NCKAP5: variants seen among roughly 807,000 people sequenced by gnomAD.
NCKAP5 encodes the protein NCK associated protein 5.
NCKAP5 carries 92 observed loss-of-function variants against 167.0 expected under a neutral mutation model. That is an observed-to-expected ratio of 0.55 (90% CI 0.47 to 0.66). NCKAP5 has a LOEUF of 0.66. Among genes scored for constraint, NCKAP5 ranks in the 30% least tolerant of loss-of-function variants. NCKAP5 has a pLI of 0.00. For missense variants in NCKAP5, 2,378 were observed against 2,315.0 expected (o/e 1.03, Z -0.56); for synonymous variants, 891 against 877.4 (o/e 1.02, Z -0.27).
At chr2:133,279,684 T>C (rs983785439) in intron 4 of NCKAP5, among the ~76,000 whole-genome samples, 1 of 152,236 alleles carries the variant, frequency 6.6e-6, no homozygotes, top group Non-Finnish European at 1.5e-5. Flanking sequence ...TCTACTGGAC[T>C]TTCTATACTT....
intron 5 of NCKAP5, among the ~76,000 whole-genome samples, chr2:133,206,754 G>A (rs1041078674): frequency 1.3e-5 from 2 of 152,222 alleles, no homozygotes; most frequent in Non-Finnish European, 2.9e-5. Context: ...GCCTATAAAC[G>A]GATGTGCAAG....
At chr2:132,831,014 A>G (rs1687485347) in intron 11 of NCKAP5, among the ~76,000 whole-genome samples, 3 of 152,144 alleles carry the variant, frequency 2.0e-5, no homozygotes, top group African/African-American at 7.2e-5. Context: ...TTGCTAACAC[A>G]TATTTAGGTT....
chr2:133,006,550 A>G (rs1176551263), intron 6 of NCKAP5, among the ~76,000 whole-genome samples: 2 of 151,928 alleles, frequency 1.3e-5, no homozygotes, highest in Non-Finnish European at 2.9e-5. Flanking sequence ...ACTAAACTTG[A>G]TTCTCACTGG....
chr2:133,532,222 G>T (rs1486674357), intron 2 of NCKAP5, among the ~76,000 whole-genome samples: 1 of 152,094 alleles, frequency 6.6e-6, no homozygotes, highest in Non-Finnish European at 1.5e-5. Context: ...GACTTAAAAC[G>T]GTTTACCCCA....
chr2:133,298,697 T>C (rs1680137238), intron 4 of NCKAP5, among the ~76,000 whole-genome samples: 1 of 152,204 alleles, frequency 6.6e-6, no homozygotes, highest in Admixed American at 6.5e-5. Context: ...TTTGTAAATT[T>C]TTCTTTTGGA....
chr2:132,843,369 G>T (rs1177224281), intron 11 of NCKAP5, among the ~76,000 whole-genome samples: 1 of 151,980 alleles, frequency 6.6e-6, no homozygotes. Context: ...ATGTTTAACT[G>T]CTTTGGTTTT....
At chr2:132,879,516 T>G (rs553015159) in intron 8 of NCKAP5, among the ~76,000 whole-genome samples, 1 of 152,362 alleles carries the variant, frequency 6.6e-6, no homozygotes, top group African/African-American at 2.4e-5. Context: ...TGAATATGGT[T>G]ACTAGGTTGA....
chr2:133,508,762 T>A (rs1683239188), intron 3 of NCKAP5, among the ~76,000 whole-genome samples: 1 of 152,218 alleles, frequency 6.6e-6, no homozygotes, highest in Non-Finnish European at 1.5e-5. Context: ...ATCTGATGAT[T>A]CCCATTGTTG....
intron 11 of NCKAP5, among the ~76,000 whole-genome samples, chr2:132,798,753 G>T (rs190021642): frequency 2.6e-5 from 4 of 152,316 alleles, no homozygotes; most frequent in Admixed American, 6.5e-5. Flanking sequence ...AGGGCCAGGA[G>T]ACCTGAGTTC....
intron 4 of NCKAP5, among the ~76,000 whole-genome samples, chr2:133,242,865 A>G (rs931921441): frequency 1.3e-5 from 2 of 152,218 alleles, no homozygotes; most frequent in African/African-American, 4.8e-5. Flanking sequence ...CCTACATGAT[A>G]GAGTACTTTG....
chr2:133,065,642 TC>T (rs1312069887), intron 6 of NCKAP5, among the ~76,000 whole-genome samples: 5 of 152,036 alleles, frequency 3.3e-5, no homozygotes, highest in African/African-American at 1.2e-4. Context: ...TTTTTCTCTC[TC>T]ATTAAGTTAG....
At chr2:132,948,640 C>T (rs1382382469) in intron 8 of NCKAP5, among the ~76,000 whole-genome samples, 1 of 152,102 alleles carries the variant, frequency 6.6e-6, no homozygotes, top group Non-Finnish European at 1.5e-5. Flanking sequence ...AGAAATAGCA[C>T]CACCCTCCAA....
intron 8 of NCKAP5, among the ~76,000 whole-genome samples, chr2:132,898,712 T>C (rs775338177): frequency 2.6e-5 from 4 of 152,200 alleles, no homozygotes; most frequent in African/African-American, 9.7e-5. Flanking sequence ...GCAAGGTACA[T>C]AGTTTATGAG....
intron 3 of NCKAP5, among the ~76,000 whole-genome samples, chr2:133,430,112 A>G (rs1399207887): frequency 6.6e-6 from 1 of 151,976 alleles, no homozygotes; most frequent in Non-Finnish European, 1.5e-5. Context: ...GGCTGCTTCT[A>G]TGTCTTGTTT....
At chr2:132,892,830 A>C (rs1692821639) in intron 8 of NCKAP5, among the ~76,000 whole-genome samples, 1 of 152,148 alleles carries the variant, frequency 6.6e-6, no homozygotes, top group South Asian at 2.1e-4. Flanking sequence ...CTAAGGACTT[A>C]ATACAGTACT....
At chr2:133,230,532 G>A (rs1377369041) in intron 4 of NCKAP5, among the ~76,000 whole-genome samples, 12 of 152,140 alleles carry the variant, frequency 7.9e-5, no homozygotes. Context: ...TTTTGACTGA[G>A]TTCTAATGTT....
intron 3 of NCKAP5, among the ~76,000 whole-genome samples, chr2:133,477,696 ACTCT>A (rs1436696953): frequency 6.6e-6 from 1 of 152,124 alleles, no homozygotes; most frequent in Non-Finnish European, 1.5e-5. Flanking sequence ...GGTCTCTCTC[ACTCT>A]CAAAATATCT....
chr2:132,717,030 G>C (rs970315735), intron 19 of NCKAP5, among the ~76,000 whole-genome samples: 2 of 152,274 alleles, frequency 1.3e-5, no homozygotes, highest in South Asian at 4.2e-4. Context: ...AATGTGCATA[G>C]CTAAAAGGGC....
chr2:133,617,255 C>T, the NCKAP5 span, among the ~76,000 whole-genome samples: 1 of 152,158 alleles, frequency 6.6e-6, no homozygotes, highest in Non-Finnish European at 1.5e-5. Flanking sequence ...GACAGGGATG[C>T]CCTCTCTCTC....
Sources: allele counts gnomAD v4.1 joint callset (sites outside exome capture counted in the v4.1 genomes callset), GRCh38; gene constraint gnomAD v4.1.1; transcripts MANE v1.5; gene names NCBI Gene and HGNC (gene_info 2026-07-23, HGNC 2026-07-21).